MYO16: variants seen among roughly 807,000 people sequenced by gnomAD.
The protein encoded by MYO16 is myosin XVI, also known as unconventional myosin-XVI.
In MYO16, 94 loss-of-function variants were observed where a neutral mutation model predicts 205.3. The ratio of observed to expected loss-of-function variants is 0.46; its 90% CI spans 0.39 to 0.54. The LOEUF is 0.54. Among genes scored for constraint, MYO16 ranks in the 20% least tolerant of loss-of-function variants. The probability of loss-of-function intolerance (pLI) is 0.00; values close to 1 mark genes in which losing one functional copy is unlikely to be tolerated. For missense variants in MYO16, 2,315 were observed against 2,387.5 expected (o/e 0.97, Z 0.63); for synonymous variants, 988 against 954.0 (o/e 1.04, Z -0.66).
chr13:108,704,720 A>G (rs1594225470), intron 2 of MYO16, among the ~76,000 whole-genome samples: 1 of 152,120 alleles, frequency 6.6e-6, no homozygotes, highest in Non-Finnish European at 1.5e-5. Flanking sequence ...ATAAATGCCT[A>G]TATTTAAATA....
chr13:108,756,359 A>G (rs1885422133), intron 4 of MYO16, among the ~76,000 whole-genome samples: 1 of 152,176 alleles, frequency 6.6e-6, no homozygotes, highest in Non-Finnish European at 1.5e-5. Flanking sequence ...TGGGCATCCA[A>G]CACAAATGTG....
intron 21 of MYO16, among the ~76,000 whole-genome samples, chr13:108,992,760 GA>G (rs748371685): frequency 1.6e-4 from 24 of 152,190 alleles, no homozygotes; most frequent in Non-Finnish European, 3.2e-4. Context: ...ATGAATATTT[GA>G]AATAAGGCAA....
intron 4 of MYO16, chr13:108,780,038 G>T (rs1471932297): frequency 6.6e-6 from 1 of 152,154 alleles, no homozygotes; most frequent in Admixed American, 6.5e-5. Context: ...ATTGACCACG[G>T]ATTACCATGG....
chr13:109,060,531 G>A (rs7325313), intron 27 of MYO16, among the ~76,000 whole-genome samples: 48,552 of 151,426 alleles, frequency 0.32, 7,944 homozygotes, highest in East Asian at 0.42. Flanking sequence ...AATACCTAAT[G>A]CATGTGGGGC....
chr13:108,823,247 A>AT lies in MYO16; in HGVS notation c.1068dup (p.His357SerfsTer9). 1 of 1,612,486 alleles carries AT rather than the reference A, an allele frequency of 6.2e-7. No individual in the cohort carries two copies. Among genetic ancestry groups the AT allele is most frequent in the South Asian group, 1.1e-5 (1 of 90,910 alleles). ...TCAAGAAGAGCCCTATGAAGAGATC[A>AT]TTCACGATCTTCCCGTACTGTCGAG... On this transcript the variant is annotated frameshift_variant, in exon 9 of 35. Transcript: ENST00000457511. LOFTEE classifies it high-confidence loss of function.
chr13:109,069,954 T>G (rs879861151), intron 27 of MYO16, among the ~76,000 whole-genome samples: 1 of 152,126 alleles, frequency 6.6e-6, no homozygotes, highest in Non-Finnish European at 1.5e-5. Context: ...AGTGAATAAA[T>G]AGCAGGCACA....
intron 21 of MYO16, among the ~76,000 whole-genome samples, chr13:108,996,571 A>G (rs926446816): frequency 3.3e-5 from 5 of 152,318 alleles, no homozygotes; most frequent in Middle Eastern, 3.4e-3. Context: ...TTACCTGTTT[A>G]AGGACATACC....
chr13:109,117,545 A>C lies in MYO16; in HGVS notation c.3439-2825A>C, dbSNP rs1478393001. ...TATATATACACACACATATATATATAATGGTAAATATGTACAAAGCACTAT... is the reference window on the plus strand; with the variant it reads ...TATATATACACACACATATATATATCATGGTAAATATGTACAAAGCACTAT... On this transcript the variant is annotated intron_variant, in intron 28 of 34. Transcript: ENST00000457511. Among the ~76,000 whole-genome samples, 30 of 149,286 alleles carry C rather than the reference A, an allele frequency of 2.0e-4. No homozygotes were observed. In the Admixed American group the frequency reaches 2.0e-3, roughly 10 times the overall value.
At chr13:109,191,839 T>C (rs144517085) in intron 34 of MYO16, among the ~76,000 whole-genome samples, 2 of 152,340 alleles carry the variant, frequency 1.3e-5, no homozygotes, top group African/African-American at 4.8e-5. Flanking sequence ...ATCATTTTAC[T>C]CGGTTTGGAA....
At chr13:108,652,421 C>T (rs1881053454) in intron 1 of MYO16, among the ~76,000 whole-genome samples, 1 of 152,178 alleles carries the variant, frequency 6.6e-6, no homozygotes, top group East Asian at 1.9e-4. Flanking sequence ...GGTAAGAACA[C>T]ATAACATAAA....
chr13:108,571,596 T>C, the MYO16 span, among the ~76,000 whole-genome samples: 1 of 151,998 alleles, frequency 6.6e-6, no homozygotes, highest in Non-Finnish European at 1.5e-5. Context: ...GCCACTCTCT[T>C]TGAGTGAAAG....
At chr13:108,575,485 C>T in the MYO16 span, among the ~76,000 whole-genome samples, 1 of 152,098 alleles carries the variant, frequency 6.6e-6, no homozygotes, top group African/African-American at 2.4e-5. Context: ...AGCCCCAGCA[C>T]CCATTAACTG....
At chr13:108,652,149 G>GTGTGTGCGCGCGCGCGCA (rs759299721) in intron 1 of MYO16, among the ~76,000 whole-genome samples, 6 of 147,536 alleles carry the variant, frequency 4.1e-5, no homozygotes, top group African/African-American at 7.4e-5. Flanking sequence ...CAATGTGTGT[G>GTGTGTGCGCGCGCGCGCA]TGTGTGCGCG....
chr13:108,580,391 C>T, the MYO16 span, among the ~76,000 whole-genome samples: 1 of 152,212 alleles, frequency 6.6e-6, no homozygotes, highest in Non-Finnish European at 1.5e-5. Flanking sequence ...CAACCTCAAA[C>T]ATCTAAAGTT....
chr13:108,660,924 G>T (rs1034934996), intron 1 of MYO16, among the ~76,000 whole-genome samples: 1 of 152,044 alleles, frequency 6.6e-6, no homozygotes, highest in Admixed American at 6.6e-5. Flanking sequence ...GTCCTGTTTT[G>T]ATGTGTTTCC....
chr13:108,627,275 G>A (rs1879779083), upstream of MYO16, among the ~76,000 whole-genome samples: 1 of 151,920 alleles, frequency 6.6e-6, no homozygotes, highest in African/African-American at 2.4e-5. Context: ...AAGATAAAAG[G>A]GCTTCTTAAT....
intron 16 of MYO16, among the ~76,000 whole-genome samples, chr13:108,956,336 C>T (rs185443452): frequency 5.9e-5 from 9 of 152,188 alleles, no homozygotes; most frequent in East Asian, 3.9e-4. Flanking sequence ...TCTCCCCATC[C>T]GTCCTCTTCT....
At chr13:108,860,595 C>T (rs1029124281) in intron 11 of MYO16, among the ~76,000 whole-genome samples, 4 of 152,098 alleles carry the variant, frequency 2.6e-5, no homozygotes, top group African/African-American at 7.2e-5. Flanking sequence ...TACTGCTTTC[C>T]AGAATGTTTG....
upstream of MYO16, among the ~76,000 whole-genome samples, chr13:108,626,541 C>T (rs1468807726): frequency 1.3e-5 from 2 of 152,140 alleles, no homozygotes; most frequent in Non-Finnish European, 2.9e-5. Context: ...GGCATGGTGG[C>T]TCATGCCTGT....
Sources: allele counts gnomAD v4.1 joint callset (sites outside exome capture counted in the v4.1 genomes callset), GRCh38; gene constraint gnomAD v4.1.1; transcripts MANE v1.5; gene names NCBI Gene and HGNC (gene_info 2026-07-23, HGNC 2026-07-21).